NRG3: variants seen among roughly 807,000 people sequenced by gnomAD.
NRG3 encodes the protein pro-neuregulin-3, membrane-bound isoform.
A neutral mutation model predicts 66.9 loss-of-function variants in NRG3; 31 were observed. The observed-to-expected ratio is 0.46, with a 90% CI of 0.35 to 0.63. The LOEUF is 0.63. NRG3 is among the 20% of genes least tolerant of loss of function. The pLI is 0.00. For missense variants in NRG3, 910 were observed against 878.9 expected (o/e 1.04, Z -0.45); for synonymous variants, 393 against 359.4 (o/e 1.09, Z -1.06).
At position 82,632,967 on chromosome 10, in the gene NRG3, T is replaced by A. The variant is rs1044853724; in HGVS notation, c.954-105610T>A. 3.0e-4 allele frequency among the ~76,000 whole-genome samples: 46 copies of A among 152,186 alleles called. 1 individual carries two copies. The highest frequency in any genetic ancestry group is 2.9e-5 in the Non-Finnish European group (2 of 68,028). On this transcript the variant is annotated intron_variant, in intron 2 of 8. Transcript: ENST00000372141. ...TGGATATAGGTGATTTAGTCTTTGA[T>A]GCAGTGGCTCATTGATATCATCAAG... is the stretch of plus-strand genomic sequence containing the variant.
chr10:82,006,167 T>C (rs187613371), intron 1 of NRG3, among the ~76,000 whole-genome samples: 7 of 151,862 alleles, frequency 4.6e-5, no homozygotes, highest in Admixed American at 4.6e-4. Context: ...TGTTAGCTGA[T>C]TATTTTCATA....
chr10:82,798,137 C>G (rs2060881139), intron 3 of NRG3, among the ~76,000 whole-genome samples: 1 of 151,952 alleles, frequency 6.6e-6, no homozygotes, highest in South Asian at 2.1e-4. Flanking sequence ...CTCTTACTCA[C>G]AGTACCTTGT....
intron 5 of NRG3, among the ~76,000 whole-genome samples, chr10:82,958,179 A>G (rs1850260298): frequency 6.6e-6 from 1 of 152,234 alleles, no homozygotes; most frequent in Non-Finnish European, 1.5e-5. Context: ...TGGTGGTTGA[A>G]GAGTGTAAAC....
intron 1 of NRG3, among the ~76,000 whole-genome samples, chr10:82,310,302 A>G (rs564640268): frequency 2.0e-5 from 3 of 152,300 alleles, no homozygotes; most frequent in African/African-American, 7.2e-5. Flanking sequence ...CAAGAGGTGA[A>G]TTATGGATTT....
chr10:82,351,497 A>G (rs1396143266), intron 1 of NRG3, among the ~76,000 whole-genome samples: 1 of 152,140 alleles, frequency 6.6e-6, no homozygotes, highest in Non-Finnish European at 1.5e-5. Context: ...GACTCAGAAG[A>G]TAGAATCAGT....
At chr10:82,846,060 C>G (rs993278747) in intron 3 of NRG3, among the ~76,000 whole-genome samples, 2 of 152,108 alleles carry the variant, frequency 1.3e-5, no homozygotes, top group Non-Finnish European at 2.9e-5. Context: ...AACATTACCC[C>G]CGGAGAGATG....
rs1281442073 is a variant in NRG3 at position 82,986,926 on chromosome 10, T to A, written c.*1321T>A. 6.6e-6 allele frequency: 1 copy of A among 152,212 alleles called. No homozygotes were observed. Among genetic ancestry groups the A allele is most frequent in the African/African-American group, 2.4e-5 (1 of 41,458 alleles). 9.4% of individuals were successfully genotyped at this position (152,212 alleles called of 1,614,324 possible). A position where few individuals can be genotyped will look rare whatever the true frequency, so the allele number is the denominator to read the frequency against. On this transcript the variant is annotated 3_prime_UTR_variant, in exon 9 of 9. Transcript: ENST00000372141. ...ATTGTTGAAATAAAAATACCCAGAC[T>A]ATTCAGTTCACAAGAAGCCCCCCAA... is the stretch of plus-strand genomic sequence containing the variant.
intron 3 of NRG3, among the ~76,000 whole-genome samples, chr10:82,774,417 G>T (rs1265563032): frequency 6.6e-6 from 1 of 152,018 alleles, no homozygotes; most frequent in Non-Finnish European, 1.5e-5. Context: ...TTGTTTAAAA[G>T]TTTTTAATGT....
chr10:82,692,028 C>T (rs911191990), intron 2 of NRG3, among the ~76,000 whole-genome samples: 7 of 152,096 alleles, frequency 4.6e-5, no homozygotes, highest in Admixed American at 2.6e-4. Flanking sequence ...AATCCCAGCG[C>T]TTTGGGAGGC....
chr10:82,574,726 A>C (rs2133151689), intron 2 of NRG3, among the ~76,000 whole-genome samples: 1 of 151,934 alleles, frequency 6.6e-6, no homozygotes, highest in South Asian at 2.1e-4. Flanking sequence ...AGCCTTACAA[A>C]AGAAGGGATT....
chr10:82,298,206 G>A (rs1250242892), intron 1 of NRG3, among the ~76,000 whole-genome samples: 1 of 140,696 alleles, frequency 7.1e-6, no homozygotes, highest in Non-Finnish European at 1.6e-5. Context: ...GAGAGAGCAG[G>A]AAGGAAGGAA....
intron 1 of NRG3, among the ~76,000 whole-genome samples, chr10:82,130,853 C>T (rs1005005749): frequency 6.6e-6 from 1 of 152,020 alleles, no homozygotes; most frequent in African/African-American, 2.4e-5. Context: ...TGAGAAATTT[C>T]TATTCAGATT....
intron 4 of NRG3, among the ~76,000 whole-genome samples, chr10:82,895,551 C>T (rs1352618532): frequency 2.1e-5 from 3 of 142,524 alleles, no homozygotes; most frequent in Admixed American, 7.5e-5. Flanking sequence ...AGTGCAGTGG[C>T]ACGATCTCGG....
chr10:82,588,702 T>C (rs1163542975), intron 2 of NRG3, among the ~76,000 whole-genome samples: 1 of 151,988 alleles, frequency 6.6e-6, no homozygotes, highest in African/African-American at 2.4e-5. Flanking sequence ...GGGGTTTCAC[T>C]GTGTTAGCCA....
chr10:82,638,050 T>G (rs558696568), intron 2 of NRG3, among the ~76,000 whole-genome samples: 1 of 152,360 alleles, frequency 6.6e-6, no homozygotes, highest in South Asian at 2.1e-4. Flanking sequence ...GAAACTTTCC[T>G]GTAAGTTTAG....
rs566355880 is a variant in NRG3 at position 82,155,410 on chromosome 10, T to C, written c.824-203329T>C. On this transcript the variant is annotated intron_variant, in intron 1 of 8. Transcript: ENST00000372141. ...CTGCTGTTAGAGAAGGTGGTTATTG[T>C]ATTAATGGGATATCAGTAACCTTCT... Among the ~76,000 whole-genome samples, 16 of 151,906 alleles carry C rather than the reference T, an allele frequency of 1.1e-4. No homozygotes were observed. The South Asian group carries it at 3.3e-3, about 31-fold the overall frequency.
intron 2 of NRG3, among the ~76,000 whole-genome samples, chr10:82,508,889 A>G (rs1844912787): frequency 6.6e-6 from 1 of 152,096 alleles, no homozygotes. Flanking sequence ...CCACACTTCA[A>G]ATGTAGAGTT....
intron 1 of NRG3, among the ~76,000 whole-genome samples, chr10:82,144,472 C>T (rs2070092881): frequency 6.6e-6 from 1 of 152,182 alleles, no homozygotes; most frequent in South Asian, 2.1e-4. Flanking sequence ...ATGGCCTCCC[C>T]TTTGGTGAAG....
chr10:82,519,036 T>G (rs1019968882), intron 2 of NRG3, among the ~76,000 whole-genome samples: 1 of 152,214 alleles, frequency 6.6e-6, no homozygotes, highest in Non-Finnish European at 1.5e-5. Context: ...AGCTACAATG[T>G]GATCTCAAAG....
Sources: gnomAD v4.1 joint callset for allele counts (sites outside exome capture counted in the v4.1 genomes callset) on GRCh38, gnomAD v4.1.1 for gene constraint, MANE v1.5 for transcripts, NCBI Gene and HGNC (gene_info 2026-07-23, HGNC 2026-07-21) for gene names.